The following DSG4 variants were observed in gnomAD, a reference collection of about 807,000 sequenced individuals.
The protein encoded by DSG4 is desmoglein-4.
A neutral mutation model predicts 93.1 loss-of-function variants in DSG4; 87 were observed. That is an observed-to-expected ratio of 0.93 (90% confidence interval 0.79 to 1.12). The LOEUF (loss-of-function observed/expected upper bound fraction) is 1.12. Ranked by LOEUF, DSG4 falls within the 50% of genes most tolerant of loss-of-function variation. DSG4 has a pLI of 0.00. For synonymous variants in DSG4, 432 were observed against 452.9 expected (o/e 0.95, Z 0.59); for missense variants, 1,373 against 1,285.7 (o/e 1.07, Z -1.04).
At position 31,389,045 on chromosome 18, in the gene DSG4, C is replaced by T. The variant is rs16959863; in HGVS notation, c.517+27C>T. On this transcript the variant is annotated intron_variant, in intron 5 of 15. Coordinates refer to ENST00000308128, the MANE Select transcript of DSG4 (RefSeq NM_177986.5). ...TAAGTAGAATGACATTCCTTCTCTA[C>T]GTCACAGCATATCTACTTCTCTTGG... 1,196,804 of 1,606,294 alleles carry T rather than the reference C, an allele frequency of 0.75. 450,002 individuals carry two copies. Among genetic ancestry groups the T allele is most frequent in the East Asian group, 0.92 (41,076 of 44,784 alleles).
intron 4 of DSG4, 65 bp downstream of exon 4, chr18:31,388,587 A>G (rs2072214805): frequency 6.3e-7 from 1 of 1,587,260 alleles, no homozygotes. Flanking sequence ...AAAAAATATT[A>G]TCTTAAGATA....
chr18:31,410,847 C>CTTCA (rs1211163531), intron 14 of DSG4, among the ~76,000 whole-genome samples: 2 of 152,220 alleles, frequency 1.3e-5, no homozygotes, highest in African/African-American at 4.8e-5. Flanking sequence ...TGAAGGAGGA[C>CTTCA]TATGAGCTCA....
chr18:31,383,056 T>C (rs961383260), intron 1 of DSG4, among the ~76,000 whole-genome samples: 10 of 152,192 alleles, frequency 6.6e-5, no homozygotes, highest in African/African-American at 2.4e-4. Context: ...AATGATTGGC[T>C]AGTACTTTTA....
intron 8 of DSG4, among the ~76,000 whole-genome samples, chr18:31,392,875 G>C (rs754622690): frequency 6.6e-6 from 1 of 152,204 alleles, no homozygotes; most frequent in Non-Finnish European, 1.5e-5. Flanking sequence ...GAGCAACCCC[G>C]TGGGGCTGTA....
intron 7 of DSG4, 83 bp downstream of exon 7, chr18:31,391,295 C>A: frequency 6.3e-7 from 1 of 1,586,762 alleles, no homozygotes; most frequent in Admixed American, 1.7e-5. Context: ...CATGCTGGCT[C>A]ATGAGCCTGG....
At chr18:31,405,274 A>G (rs748363659) in intron 11 of DSG4, among the ~76,000 whole-genome samples, 2 of 152,244 alleles carry the variant, frequency 1.3e-5, no homozygotes, top group African/African-American at 2.4e-5. Flanking sequence ...ATAGGCAATG[A>G]TAGCACAAAG....
Position 31,392,172 on chromosome 18 carries a change from A to C in DSG4, c.837A>C (p.Glu279Asp). 6.2e-7 allele frequency: 1 copy of C among 1,613,704 alleles called. No individual in the cohort carries two copies. The highest frequency in any genetic ancestry group is 2.2e-5 in the East Asian group (1 of 44,774). ...CATTTTAGTACTCAGCCAGTATTGA[A>C]GAGAATTGTTTAAGTTCGGAACTGA... ...LEKTSYSASI[E>D]ENCLSSELIR... The change falls in exon 8 of 16, where the codon GAA becomes GAC. Residue 279 changes from glutamate to aspartate, a missense_variant. By Grantham distance (45) the Glu-to-Asp change is conservative. Coordinates refer to ENST00000308128, the MANE Select transcript of DSG4 (RefSeq NM_177986.5).
intron 12 of DSG4, 89 bp from the exon 13 acceptor site, chr18:31,409,363 G>A: frequency 6.3e-7 from 1 of 1,589,322 alleles, no homozygotes; most frequent in Non-Finnish European, 8.6e-7. Flanking sequence ...TAAATATACT[G>A]CCACCAAATG....
chr18:31,390,199 TTC>T (rs1392200161), intron 5 of DSG4, among the ~76,000 whole-genome samples: 2 of 152,306 alleles, frequency 1.3e-5, no homozygotes, highest in East Asian at 3.9e-4. Flanking sequence ...ATTATCTGCT[TTC>T]TGGAAAAGTG....
chr18:31,403,034 G>A (rs1598748029), intron 10 of DSG4, among the ~76,000 whole-genome samples: 1 of 152,028 alleles, frequency 6.6e-6, no homozygotes, highest in African/African-American at 2.4e-5. Flanking sequence ...ACTGACCTGG[G>A]GGTCTAATTT....
intron 14 of DSG4, among the ~76,000 whole-genome samples, chr18:31,410,438 T>G (rs2072474568): frequency 6.6e-6 from 1 of 151,902 alleles, no homozygotes. Context: ...CATATATAAG[T>G]GTGTATATAT....
In DSG4 at chr18:31,411,461, C is replaced by T; in HGVS notation, c.2355+13C>T. 1 of 1,611,986 alleles carries T rather than the reference C, an allele frequency of 6.2e-7. No homozygotes were observed. ...CTACTTCTCGGAGGTAATGCCCTCA[C>T]AGTCACACATAAAATCGTCTTGAGA... On this transcript the variant is annotated intron_variant, in intron 15 of 15. Transcript: ENST00000308128.
intron 1 of DSG4, among the ~76,000 whole-genome samples, chr18:31,379,282 C>G (rs1251284720): frequency 2.0e-5 from 3 of 152,172 alleles, no homozygotes; most frequent in South Asian, 2.1e-4. Context: ...TTCCTTTGAC[C>G]TCATGTGAGA....
Position 31,393,763 on chromosome 18 carries a change from G to A in DSG4, c.1005+1423G>A, listed in dbSNP as rs79394396. On this transcript the variant is annotated intron_variant, in intron 8 of 15. Transcript: ENST00000308128. ...TTAGCCTTCTGGAAGCAAACATATC[G>A]TTTATTCATTGGGTCTTTCGCTTTT... Among the ~76,000 whole-genome samples, 217 of 152,196 alleles carry A rather than the reference G, an allele frequency of 1.4e-3. 3 individuals carry two copies. The East Asian group carries it at 0.038, about 27-fold the overall frequency.
intron 3 of DSG4, among the ~76,000 whole-genome samples, 184 bp downstream of exon 3, chr18:31,387,003 G>A (rs1054173022): frequency 6.6e-6 from 1 of 152,144 alleles, no homozygotes; most frequent in East Asian, 1.9e-4. Context: ...GGGGCAGGCA[G>A]TCAATGGCAA....
chr18:31,404,507 A>G (rs958981755), intron 11 of DSG4, among the ~76,000 whole-genome samples: 2 of 152,190 alleles, frequency 1.3e-5, no homozygotes, highest in Admixed American at 1.3e-4. Flanking sequence ...ATTTGGGGCT[A>G]CAGGGAAAAT....
intron 8 of DSG4, among the ~76,000 whole-genome samples, chr18:31,396,490 G>A (rs774466901): frequency 1.2e-4 from 18 of 151,356 alleles, no homozygotes; most frequent in South Asian, 2.1e-4. Context: ...GAGTAGCTGG[G>A]ATTACAGGCA....
At chr18:31,390,844 C>G (rs1170749076) in intron 6 of DSG4, 22 bp downstream of exon 6, 1 of 1,609,538 alleles carries the variant, frequency 6.2e-7, no homozygotes. Flanking sequence ...TGTGAATGAA[C>G]AAGAACTAAA....
chr18:31,391,803 A>G (rs994638543), intron 7 of DSG4, among the ~76,000 whole-genome samples: 6 of 152,178 alleles, frequency 3.9e-5, no homozygotes, highest in Non-Finnish European at 7.4e-5. Context: ...TCTGGCCCAC[A>G]ATATCTAATA....
Sources: gnomAD v4.1 joint callset for allele counts (sites outside exome capture counted in the v4.1 genomes callset) on GRCh38, gnomAD v4.1.1 for gene constraint, MANE v1.5 for transcripts, NCBI Gene and HGNC (gene_info 2026-07-23, HGNC 2026-07-21) for gene names.